Variants in GABRG1 observed in about 807,000 individuals in gnomAD.
The protein encoded by GABRG1 is gamma-aminobutyric acid type A receptor subunit gamma1.
GABRG1 carries 49 observed loss-of-function variants against 49.8 expected under a neutral mutation model. The ratio of observed to expected loss-of-function variants is 0.98; its 90% CI spans 0.78 to 1.25. The LOEUF (loss-of-function observed/expected upper bound fraction) is 1.25. GABRG1 is among the 50% of genes most tolerant of loss of function. The pLI, the probability that GABRG1 is intolerant of heterozygous loss-of-function variation, is 0.00. For missense variants in GABRG1, 552 were observed against 552.3 expected (o/e 1.00, Z 0.01); for synonymous variants, 232 against 185.1 (o/e 1.25, Z -2.06).
intron 1 of GABRG1, among the ~76,000 whole-genome samples, chr4:46,115,283 A>T (rs974112608): frequency 3.1e-4 from 47 of 150,826 alleles, no homozygotes; most frequent in African/African-American, 9.4e-4. Context: ...AAATATATAG[A>T]TGTATCCCAA....
intron 8 of GABRG1, among the ~76,000 whole-genome samples, chr4:46,048,986 C>T (rs1004625027): frequency 6.6e-6 from 1 of 151,824 alleles, no homozygotes; most frequent in Non-Finnish European, 1.5e-5. Flanking sequence ...AATTGTTGAC[C>T]TTTCAGCAAC....
At chr4:46,094,370 G>C (rs1396794976) in intron 2 of GABRG1, among the ~76,000 whole-genome samples, 2 of 151,954 alleles carry the variant, frequency 1.3e-5, no homozygotes, top group Non-Finnish European at 2.9e-5. Context: ...AACAGTTTAT[G>C]GTGGGCACAG....
intron 1 of GABRG1, among the ~76,000 whole-genome samples, chr4:46,109,157 T>A (rs1329152339): frequency 6.6e-6 from 1 of 150,916 alleles, no homozygotes; most frequent in African/African-American, 2.4e-5. Flanking sequence ...AGGGCTTTTT[T>A]TTGGTTAGTA....
rs1224729887 is a variant in GABRG1, at chr4:46,123,837, A to G, written c.77T>C (p.Leu26Ser). 1 of 1,613,554 alleles carries G rather than the reference A, an allele frequency of 6.2e-7. No individual in the cohort carries two copies. Among genetic ancestry groups the G allele is most frequent in the Non-Finnish European group, 8.5e-7 (1 of 1,179,738 alleles). Residue 26 changes from leucine (L) to serine (S), a missense_variant, in exon 1 of 9, where the codon TTG becomes TCG. Leu to Ser is a moderately radical substitution (Grantham distance 145). Coordinates refer to ENST00000295452, the MANE Select transcript of GABRG1 (RefSeq NM_173536.4). ...GTTTCCCAAATGCAGGGTCAGTAAC[A>G]AGAAGACCAACCTCACCCCTCTACT... ...SQSRGVRLVF[L>S]LLTLHLGNCV...
rs1718210983 is a variant in GABRG1 at position 46,051,363 on chromosome 4, CAA to C, written c.1131+59_1131+60del. ...TTCTGTAAACAAACACATAAATATT[CAA>C]AAGAGTATCTCTAAGTAAGTTGAGG... is the stretch of plus-strand genomic sequence containing the variant. On this transcript the variant is annotated intron_variant, in intron 8 of 8. Coordinates refer to ENST00000295452, the MANE Select transcript of GABRG1 (RefSeq NM_173536.4). 2.4e-6 allele frequency: 3 copies of C among 1,263,298 alleles called. No homozygotes were observed. In the Admixed American group the frequency reaches 7.4e-5, roughly 31 times the overall value. The allele number at this position is 1,263,298 out of a possible 1,614,324, so 78.3% of individuals were successfully genotyped here. A position where few individuals can be genotyped will look rare whatever the true frequency, so the allele number is the denominator to read the frequency against.
At chr4:46,045,899 A>G (rs1306047447) in intron 8 of GABRG1, among the ~76,000 whole-genome samples, 1 of 152,066 alleles carries the variant, frequency 6.6e-6, no homozygotes, top group Non-Finnish European at 1.5e-5. Context: ...ATACTGAGAA[A>G]GAGAATAAGA....
intron 3 of GABRG1, among the ~76,000 whole-genome samples, chr4:46,082,080 C>T (rs972314210): frequency 6.6e-6 from 1 of 151,734 alleles, no homozygotes; most frequent in African/African-American, 2.4e-5. Flanking sequence ...GAATGCATTC[C>T]ATGGGATCCA....
chr4:46,084,020 A>T lies in GABRG1; in HGVS notation c.287T>A (p.Val96Glu). 6.3e-7 allele frequency: 1 copy of T among 1,585,262 alleles called. No individual in the cohort carries two copies. Among genetic ancestry groups the T allele is most frequent in the Non-Finnish European group, 8.6e-7 (1 of 1,159,834 alleles). ...RPTVIETDVYVNSIGPVDPIN... is the reference protein window; with the variant it reads ...RPTVIETDVYENSIGPVDPIN... ...TGGATCAACTGGTCCAATGCTGTTT[A>T]CATAAACATCAGTTTCAATTACTGT... The change falls in exon 3 of 9, where the codon GTA becomes GAA. Residue 96 changes from valine to glutamate, a missense_variant. Physicochemically the swap from Val to Glu is moderately radical, Grantham distance 121. Coordinates refer to ENST00000295452, the MANE Select transcript of GABRG1 (RefSeq NM_173536.4).
intron 2 of GABRG1, among the ~76,000 whole-genome samples, chr4:46,085,749 A>G (rs1198303558): frequency 6.6e-6 from 1 of 151,594 alleles, no homozygotes; most frequent in Non-Finnish European, 1.5e-5. Context: ...CATACTATGA[A>G]CAATACTAAT....
At chr4:46,122,464 C>T (rs141316924) in intron 1 of GABRG1, among the ~76,000 whole-genome samples, 130 of 151,642 alleles carry the variant, frequency 8.6e-4, no homozygotes, top group African/African-American at 2.9e-3. Flanking sequence ...ACAATATATA[C>T]AAGAAATAAT....
intron 1 of GABRG1, among the ~76,000 whole-genome samples, chr4:46,098,225 T>C (rs1454251957): frequency 6.6e-6 from 1 of 151,706 alleles, no homozygotes; most frequent in East Asian, 1.9e-4. Flanking sequence ...CATCCAGTAA[T>C]AAAGATATTC....
At position 46,058,366 on chromosome 4, in the gene GABRG1, T is replaced by C; in HGVS notation, c.767A>G (p.Asp256Gly). Residue 256 changes from aspartate to glycine, a missense_variant, in exon 7 of 9, where the codon GAT becomes GGT. Physicochemically the swap from Asp to Gly is moderately conservative, Grantham distance 94. Coordinates refer to ENST00000295452, the MANE Select transcript of GABRG1 (RefSeq NM_173536.4). ...AAAAAAAATTGTCATGATAACATAA[T>C]CCCCTGTAAGAAAAAAAAGTTTTAT... ...STEITHTISG[D>G]YVIMTIFFDL... is the part of the protein sequence containing the mutation. The C allele has an allele frequency of 1.2e-6, 2 of 1,604,564 alleles. No homozygotes were observed. Among genetic ancestry groups the C allele is most frequent in the East Asian group, 2.2e-5 (1 of 44,748 alleles).
chr4:46,109,295 G>C (rs1344627711), intron 1 of GABRG1, among the ~76,000 whole-genome samples: 1 of 150,898 alleles, frequency 6.6e-6, no homozygotes, highest in Non-Finnish European at 1.5e-5. Context: ...AGATTTTCTA[G>C]TTTGTGTGCA....
intron 1 of GABRG1, among the ~76,000 whole-genome samples, chr4:46,112,047 A>G (rs868198885): frequency 6.6e-6 from 1 of 151,430 alleles, no homozygotes; most frequent in Admixed American, 6.6e-5. Flanking sequence ...CAAGGAGTAA[A>G]CAGATAACTT....
intron 1 of GABRG1, 101 bp downstream of exon 1, chr4:46,123,709 G>A (rs1000698100): frequency 2.6e-6 from 2 of 768,642 alleles, no homozygotes; most frequent in African/African-American, 3.5e-5. Flanking sequence ...GTTAGGAAAT[G>A]CAAATTAATT....
At chr4:46,076,362 C>CATATATAT (rs1203391424) in intron 3 of GABRG1, among the ~76,000 whole-genome samples, 24 of 78,696 alleles carry the variant, frequency 3.0e-4, no homozygotes, top group Admixed American at 4.8e-4. Context: ...AGGTCATGTT[C>CATATATAT]ATATATATAT....
intron 8 of GABRG1, among the ~76,000 whole-genome samples, chr4:46,049,980 C>G (rs1412540615): frequency 1.3e-5 from 2 of 151,846 alleles, no homozygotes; most frequent in South Asian, 2.1e-4. Context: ...AACATCTCCA[C>G]TCAAAATTTC....
intron 3 of GABRG1, among the ~76,000 whole-genome samples, chr4:46,070,793 A>G (rs574424766): frequency 1.3e-5 from 2 of 152,184 alleles, no homozygotes; most frequent in Admixed American, 6.6e-5. Flanking sequence ...CTGCAGCCTG[A>G]GTCTCTTCTT....
At chr4:46,088,791 ATG>A (rs1366124447) in intron 2 of GABRG1, among the ~76,000 whole-genome samples, 13 of 121,110 alleles carry the variant, frequency 1.1e-4, no homozygotes, top group East Asian at 2.6e-4. Context: ...TTTAAATGGC[ATG>A]TGTGTGTGTG....
Sources: gnomAD v4.1 joint callset for allele counts (sites outside exome capture counted in the v4.1 genomes callset) on GRCh38, gnomAD v4.1.1 for gene constraint, MANE v1.5 for transcripts, NCBI Gene and HGNC (gene_info 2026-07-23, HGNC 2026-07-21) for gene names.